HEG1: variants seen among roughly 807,000 people sequenced by gnomAD.
HEG1 encodes the protein heart development protein with EGF like domains 1.
In HEG1, 56 loss-of-function variants were observed where a neutral mutation model predicts 125.6. The ratio of observed to expected loss-of-function variants is 0.45; its 90% confidence interval spans 0.36 to 0.56. The LOEUF (loss-of-function observed/expected upper bound fraction) is 0.56. Ranked by LOEUF, HEG1 falls within the 20% of genes least tolerant of loss-of-function variation. The pLI, the probability that HEG1 is intolerant of heterozygous loss-of-function variation, is 0.00. For synonymous variants in HEG1, 644 were observed against 668.5 expected, an observed-to-expected ratio of 0.96 and a Z score of 0.57; for missense variants, 1,523 against 1,670.0, an observed-to-expected ratio of 0.91 and a Z score of 1.53.
At chr3:124,986,916 A>T (rs570668765) in intron 14 of HEG1, among the ~76,000 whole-genome samples, 1 of 152,338 alleles carries the variant, frequency 6.6e-6, no homozygotes, top group South Asian at 2.1e-4. Flanking sequence ...TCTCTGAGAA[A>T]AAAATTACCA....
intron 14 of HEG1, 40 bp from the exon 15 acceptor site, chr3:124,977,986 T>A: frequency 6.9e-7 from 1 of 1,447,424 alleles, no homozygotes; most frequent in Non-Finnish European, 9.5e-7. Context: ...TGGCTGGAGG[T>A]AATGAAGGAA....
chr3:124,973,939 T>A (rs1936490780), intron 15 of HEG1, 34 bp from the exon 16 acceptor site: 1 of 1,509,412 alleles, frequency 6.6e-7, no homozygotes, highest in Admixed American at 1.7e-5. Flanking sequence ...AAAGCTCAAT[T>A]CCGTAAAGAA....
chr3:125,016,193 T>C (rs200703414), intron 5 of HEG1, among the ~76,000 whole-genome samples: 1 of 151,842 alleles, frequency 6.6e-6, no homozygotes, highest in Non-Finnish European at 1.5e-5. Context: ...CTTAACAAAG[T>C]AGAGAGAGAG....
At chr3:124,984,809 AC>A (rs747942803) in intron 14 of HEG1, among the ~76,000 whole-genome samples, 10 of 152,114 alleles carry the variant, frequency 6.6e-5, no homozygotes, top group Non-Finnish European at 1.5e-4. Context: ...ACAAAAACAA[AC>A]AAAAAACAGA....
chr3:125,005,434 C>T (rs2107697606), intron 8 of HEG1, 66 bp from the exon 9 acceptor site: 2 of 863,022 alleles, frequency 2.3e-6, no homozygotes, highest in Non-Finnish European at 3.6e-6. Flanking sequence ...TGTGTGTTTG[C>T]ACATCTCTGG....
chr3:125,003,508 T>C (rs949411454), intron 9 of HEG1, among the ~76,000 whole-genome samples: 2 of 152,252 alleles, frequency 1.3e-5, no homozygotes, highest in Non-Finnish European at 2.9e-5. Context: ...GCCTTTGCTC[T>C]TGGATCCTGG....
At position 125,012,882 on chromosome 3, in the gene HEG1, G is replaced by C. The variant is rs749386820; in HGVS notation, c.2697C>G (p.Ile899Met). 3 of 1,614,072 alleles carry C rather than the reference G, an allele frequency of 1.9e-6. No individual in the cohort carries two copies. The highest frequency in any genetic ancestry group is 1.1e-5 in the South Asian group (1 of 91,082). Reference protein sequence around the residue: ...LVPQISTEGGISTERNRVIVD... With the variant: ...LVPQISTEGGMSTERNRVIVD... The stretch of plus-strand genomic sequence containing the variant: ...CAATCACTCGGTTCCTTTCTGTGCT[G>C]ATGCCACCTTCTGTTGAGATTTGAG... The change falls in exon 6 of 17, where the codon ATC becomes ATG. Residue 899 changes from isoleucine to methionine, a missense_variant. Physicochemically the swap from Ile to Met is conservative, Grantham distance 10 (BLOSUM62 1). Transcript: ENST00000311127.
At position 125,013,060 on chromosome 3, in the gene HEG1, G is replaced by T. The variant is rs770805086; in HGVS notation, c.2519C>A (p.Pro840Gln). The T allele has an allele frequency of 2.0e-5, 33 of 1,614,018 alleles. No homozygotes were observed. Among genetic ancestry groups the T allele is most frequent in the Non-Finnish European group, 2.7e-5 (32 of 1,179,886 alleles). ...ATSTNLAQMS[P>Q]TFTTTILKTS... ...CTTCAGAATGGTAGTTGTGAAAGTT[G>T]GAGACATTTGTGCTAAGTTGGTGCT... Residue 840 changes from proline to glutamine, a missense_variant, in exon 6 of 17, where the codon CCA (proline) becomes CAA (glutamine). Transcript: ENST00000311127.
rs765734292 is a variant in HEG1 at position 125,013,381 on chromosome 3, A to C, written c.2198T>G (p.Val733Gly). The C allele has an allele frequency of 3.7e-6, 6 of 1,613,812 alleles. No individual in the cohort carries two copies. The highest frequency in any genetic ancestry group is 4.2e-6 in the Non-Finnish European group (5 of 1,179,894). ...TGACTGTGGCAAGGTTGTTTGTGAG[A>C]CAGAAAGTGGGGCAGATGTAGATGT... ...LTTSTSAPLSVSQTTLPQSSS... is the reference protein window; with the variant it reads ...LTTSTSAPLSGSQTTLPQSSS... The change falls in exon 6 of 17, where the codon GTC becomes GGC. Residue 733 changes from valine to glycine, a missense_variant. Transcript: ENST00000311127.
chr3:125,046,428 CACACACAT>C (rs750156759), intron 1 of HEG1, among the ~76,000 whole-genome samples: 18,955 of 127,712 alleles, frequency 0.15, 1,815 homozygotes, highest in African/African-American at 0.29. Flanking sequence ...CACACACACA[CACACACAT>C]ATATATTTTT....
At chr3:125,043,244 C>G (rs1295176542) in intron 1 of HEG1, among the ~76,000 whole-genome samples, 1 of 152,196 alleles carries the variant, frequency 6.6e-6, no homozygotes, top group Non-Finnish European at 1.5e-5. Context: ...GGACTGAACC[C>G]AGACCCAGGG....
chr3:124,998,364 A>G lies in HEG1; in HGVS notation c.3518-541T>C, dbSNP rs1936954985. 1.3e-5 allele frequency among the ~76,000 whole-genome samples: 2 copies of G among 152,212 alleles called. 1 individual carries two copies. The highest frequency in any genetic ancestry group is 4.1e-4 in the South Asian group (2 of 4,826). On this transcript the variant is annotated intron_variant, in intron 11 of 16. Coordinates refer to ENST00000311127, the MANE Select transcript of HEG1 (RefSeq NM_020733.2). Reference sequence around the variant, plus strand: ...TGTGGCAAGGTGGCTTGCTGTCCTGACAGCGTGCTGCCTACAAGAGACTGG... The same window carrying G: ...TGTGGCAAGGTGGCTTGCTGTCCTGGCAGCGTGCTGCCTACAAGAGACTGG...
Position 125,013,413 on chromosome 3 carries a change from G to T in HEG1, c.2166C>A (p.Ser722=). ...WSSSPSPLPV[S]LTTSTSAPLS... is the part of the protein sequence containing the mutation. ...GTGGGGCAGATGTAGATGTCGTTAA[G>T]GATACTGGTAAAGGTGATGGTGAGG... Residue 722 remains serine (S), a synonymous_variant, in exon 6 of 17, where the codon TCC becomes TCA. Transcript: ENST00000311127. 1 of 1,613,958 alleles carries T rather than the reference G, an allele frequency of 6.2e-7. No homozygotes were observed. The highest frequency in any genetic ancestry group is 8.5e-7 in the Non-Finnish European group (1 of 1,179,886).
chr3:124,999,110 T>G (rs1936965403), intron 11 of HEG1, among the ~76,000 whole-genome samples: 1 of 152,156 alleles, frequency 6.6e-6, no homozygotes, highest in South Asian at 2.1e-4. Context: ...ATCTGCCCCC[T>G]TTTGTGAGTC....
In HEG1 at chr3:124,970,520, T is replaced by A. The variant is rs1936405162; in HGVS notation, c.*132A>T. On this transcript the variant is annotated 3_prime_UTR_variant, in exon 17 of 17. Transcript: ENST00000311127. ...TCCTCCACTGTGGTCACGCCCCGCA[T>A]GCCTGTCCCTCTTCCTGCTTGCCAC... 1 of 731,956 alleles carries A rather than the reference T, an allele frequency of 1.4e-6. No individual in the cohort carries two copies. The highest frequency in any genetic ancestry group is 2.2e-6 in the Non-Finnish European group (1 of 448,150). The allele number at this position is 731,956 out of a possible 1,614,324, so 45.3% of individuals were successfully genotyped here.
Position 124,965,771 on chromosome 3 carries a change from T to C in HEG1, c.*4881A>G, listed in dbSNP as rs1448223291. The C allele has an allele frequency of 6.6e-6, 1 of 152,224 alleles. No homozygotes were observed. Among genetic ancestry groups the C allele is most frequent in the Non-Finnish European group, 1.5e-5 (1 of 68,034 alleles). The allele number at this position is 152,224 out of a possible 1,614,324, so 9.4% of individuals were successfully genotyped here. ...ACTAGAACGCCAGACTTAGAGTGGA[T>C]ATAAGTATAAAAATAACCAAATTCT... On this transcript the variant is annotated 3_prime_UTR_variant, in exon 17 of 17. Coordinates refer to ENST00000311127, the MANE Select transcript of HEG1 (RefSeq NM_020733.2).
intron 14 of HEG1, among the ~76,000 whole-genome samples, chr3:124,985,663 A>C (rs896281860): frequency 3.3e-5 from 5 of 152,220 alleles, no homozygotes; most frequent in Non-Finnish European, 7.3e-5. Context: ...GTGTTTAAAA[A>C]ATTAAAAGGA....
chr3:124,976,725 C>T (rs951850511), intron 15 of HEG1, among the ~76,000 whole-genome samples: 1 of 152,072 alleles, frequency 6.6e-6, no homozygotes, highest in Non-Finnish European at 1.5e-5. Flanking sequence ...GCAGATCTCT[C>T]ATGAAAGGAC....
In HEG1 at chr3:125,027,305, C is replaced by G; in HGVS notation, c.813G>C (p.Leu271=). The G allele has an allele frequency of 1.2e-6, 2 of 1,613,872 alleles. No homozygotes were observed. Among genetic ancestry groups the G allele is most frequent in the Non-Finnish European group, 1.7e-6 (2 of 1,179,850 alleles). Residue 271 remains leucine, a synonymous_variant, in exon 3 of 17, where the codon CTG becomes CTC. Coordinates refer to ENST00000311127, the MANE Select transcript of HEG1 (RefSeq NM_020733.2). ...SFLPALEMGE[L]TTPSRKRNSS... is the part of the protein sequence containing the mutation. The stretch of plus-strand genomic sequence containing the variant: ...AATTTCTCTTCCTAGAAGGCGTGGT[C>G]AGCTCTCCCATCTCCAAAGCAGGAA...
Sources: gnomAD v4.1 joint callset for allele counts (sites outside exome capture counted in the v4.1 genomes callset) on GRCh38, gnomAD v4.1.1 for gene constraint, MANE v1.5 for transcripts, NCBI Gene and HGNC (gene_info 2026-07-23, HGNC 2026-07-21) for gene names.